The following GNPTAB variants were observed in gnomAD, a reference collection of about 807,000 sequenced individuals.
GNPTAB encodes N-acetylglucosamine-1-phosphate transferase subunits alpha and beta, also known as N-acetylglucosamine-1-phosphotransferase subunits alpha/beta.
A neutral mutation model predicts 136.6 loss-of-function variants in GNPTAB; 92 were observed. The observed-to-expected ratio is 0.67, with a 90% CI of 0.57 to 0.80. The LOEUF (loss-of-function observed/expected upper bound fraction) is 0.80, where lower values mean the gene tolerates loss of function less well. GNPTAB is among the 30% of genes least tolerant of loss of function. GNPTAB has a pLI of 0.00. For missense variants in GNPTAB, 1,343 were observed against 1,501.8 expected, an observed-to-expected ratio of 0.89 and a Z score of 1.75; for synonymous variants, 512 against 535.1, an observed-to-expected ratio of 0.96 and a Z score of 0.60.
chr12:101,760,224 G>T, intron 15 of GNPTAB, 81 bp from the exon 16 acceptor site: 1 of 905,080 alleles, frequency 1.1e-6, no homozygotes. Flanking sequence ...TTAAGTGAAA[G>T]CTTCCAAAAA....
Position 101,757,285 on chromosome 12 carries a change from T to G in GNPTAB, c.3361A>C (p.Ile1121Leu). Residue 1121 changes from isoleucine (I) to leucine (L), a missense_variant, in exon 18 of 21, where the codon ATC (isoleucine) becomes CTC (leucine). By Grantham distance (5) the Ile-to-Leu change is conservative. Coordinates refer to ENST00000299314, the MANE Select transcript of GNPTAB (RefSeq NM_024312.5). ...YRFEIMGEEE[I>L]AFKMIRTNVS... is the part of the protein sequence containing the mutation. ...TTGGTACGAATCATTTTAAAAGCGA[T>G]TTCTTCTTCTCCCATGATTTCAAAC... The G allele has an allele frequency of 6.2e-7, 1 of 1,604,574 alleles. No homozygotes were observed. Among genetic ancestry groups the G allele is most frequent in the Non-Finnish European group, 8.5e-7 (1 of 1,171,872 alleles).
intron 1 of GNPTAB, among the ~76,000 whole-genome samples, chr12:101,804,083 T>C (rs568019992): frequency 6.6e-6 from 1 of 151,182 alleles, no homozygotes; most frequent in East Asian, 1.9e-4. Flanking sequence ...AAAAAAAAAA[T>C]TTTTAAAGTT....
intron 5 of GNPTAB, 120 bp downstream of exon 5, chr12:101,785,892 T>G: frequency 1.3e-6 from 1 of 799,804 alleles, no homozygotes; most frequent in Non-Finnish European, 2.0e-6. Flanking sequence ...CTTCTCTTTG[T>G]GCATTTTTAG....
intron 16 of GNPTAB, 124 bp from the exon 17 acceptor site, chr12:101,757,781 C>A (rs1301510199): frequency 1.4e-6 from 1 of 700,812 alleles, no homozygotes; most frequent in Admixed American, 2.0e-5. Flanking sequence ...AAAACACCAA[C>A]TGTGACTACA....
chr12:101,760,075 T>C lies in GNPTAB; in HGVS notation c.3204A>G (p.Leu1068=), dbSNP rs1192805848. The C allele has an allele frequency of 1.2e-6, 2 of 1,613,628 alleles. No homozygotes were observed. The highest frequency in any genetic ancestry group is 1.7e-4 in the Middle Eastern group (1 of 6,060). ...ATTCCTGAGTTGGTGGAATATTATT[T>C]AGCTGCGTGATATCAGCAGGAAGCA... ...SKMLPADITQ[L]NNIPPTQESY... The change falls in exon 16 of 21, where the codon CTA becomes CTG. Residue 1068 remains leucine, a synonymous_variant. Transcript: ENST00000299314.
chr12:101,805,052 T>G (rs542460932), intron 1 of GNPTAB, among the ~76,000 whole-genome samples: 1 of 151,648 alleles, frequency 6.6e-6, no homozygotes, highest in Admixed American at 6.6e-5. Context: ...ACAAATATGA[T>G]GCAAATAATT....
At position 101,830,004 on chromosome 12, in the gene GNPTAB, CAAAAAAAA is replaced by C. The variant is rs35884808; in HGVS notation, c.117+547_117+554del. ...TTTAAAACCTTTTGTAACCTCCTAC[CAAAAAAAA>C]AAAAAAAAAAGAAAAAGAAAAAAAC... is the stretch of plus-strand genomic sequence containing the variant. On this transcript the variant is annotated intron_variant, in intron 1 of 20. Transcript: ENST00000299314. Among the ~76,000 whole-genome samples the C allele has an allele frequency of 5.7e-4, 60 of 106,142 alleles. 1 individual carries two copies. Among genetic ancestry groups the C allele is most frequent in the Admixed American group, 2.7e-3 (26 of 9,786 alleles). The allele number at this position is 106,142 out of a possible 152,430, so 69.6% of individuals were successfully genotyped here.
chr12:101,780,372 T>G, intron 6 of GNPTAB, 86 bp from the exon 7 acceptor site: 2 of 1,393,942 alleles, frequency 1.4e-6, no homozygotes, highest in South Asian at 2.3e-5. Flanking sequence ...AAAGATCTAT[T>G]GCATCACAAC....
At chr12:101,780,454 T>C (rs909574180) in intron 6 of GNPTAB, 103 bp downstream of exon 6, 9 of 1,084,850 alleles carry the variant, frequency 8.3e-6, no homozygotes, top group African/African-American at 6.4e-5. Flanking sequence ...TACCCTTAGA[T>C]AAAAAATAAA....
Position 101,786,073 on chromosome 12 carries a change from A to G in GNPTAB, c.510T>C (p.Val170=). The change falls in exon 5 of 21, where the codon GTT becomes GTC. Residue 170 remains valine (V), a synonymous_variant. Coordinates refer to ENST00000299314, the MANE Select transcript of GNPTAB (RefSeq NM_024312.5). ...TGGTAGAAGGGTTTTTTGGTTTTGC[A>G]ACATTGAAAATGTCACTGGCAGAAT... The part of the protein sequence containing the change: ...SFHSASDIFN[V]AKPKNPSTNV... The G allele has an allele frequency of 6.2e-7, 1 of 1,614,116 alleles. No homozygotes were observed. Among genetic ancestry groups the G allele is most frequent in the Non-Finnish European group, 8.5e-7 (1 of 1,179,988 alleles).
At chr12:101,802,128 T>C (rs1209278167) in intron 1 of GNPTAB, among the ~76,000 whole-genome samples, 1 of 144,186 alleles carries the variant, frequency 6.9e-6, no homozygotes, top group African/African-American at 2.6e-5. Context: ...AGCCCAAGAG[T>C]TGGAGGCTGA....
Position 101,764,731 on chromosome 12 carries a change from T to C in GNPTAB, c.2186A>G (p.Asn729Ser), listed in dbSNP as rs573304951. 5 of 1,613,656 alleles carry C rather than the reference T, an allele frequency of 3.1e-6. No homozygotes were observed. The South Asian group carries it at 4.4e-5, about 14-fold the overall frequency. Reference protein sequence around the residue: ...EHGDITLKGYNLSKSALLRSF... With the variant: ...EHGDITLKGYSLSKSALLRSF... The stretch of plus-strand genomic sequence containing the variant: ...TCTCAGCAAGGCTGACTTGGACAAA[T>C]TGTATCCTTTCAAAGTGATGTCTCC... The change falls in exon 13 of 21, where the codon AAT becomes AGT. Residue 729 changes from asparagine (N) to serine (S), a missense_variant. Physicochemically the swap from Asn to Ser is conservative, Grantham distance 46. Coordinates refer to ENST00000299314, the MANE Select transcript of GNPTAB (RefSeq NM_024312.5).
intron 1 of GNPTAB, among the ~76,000 whole-genome samples, chr12:101,802,078 G>A (rs11111030): frequency 0.18 from 26,763 of 150,908 alleles, 2,419 homozygotes; most frequent in South Asian, 0.22. Flanking sequence ...CATGCCTGTA[G>A]TCCCAGCTAC....
chr12:101,817,265 CTTT>C lies in GNPTAB; in HGVS notation c.117+13291_117+13293del, dbSNP rs71438444. 5.9e-4 allele frequency among the ~76,000 whole-genome samples: 64 copies of C among 108,162 alleles called. 1 individual carries two copies. Among genetic ancestry groups the C allele is most frequent in the Admixed American group, 3.2e-3 (31 of 9,714 alleles). The allele number at this position is 108,162 out of a possible 152,430, so 71.0% of individuals were successfully genotyped here. ...CCATTACCCAGATTTTATCATTCCACTTTTTTTTTTTTTTTTTTTTTTGAGACA... is the reference window on the plus strand; with the variant it reads ...CCATTACCCAGATTTTATCATTCCACTTTTTTTTTTTTTTTTTTTGAGACA... On this transcript the variant is annotated intron_variant, in intron 1 of 20. Transcript: ENST00000299314.
chr12:101,789,679 TCA>T (rs1176349346), intron 3 of GNPTAB, among the ~76,000 whole-genome samples: 1 of 152,188 alleles, frequency 6.6e-6, no homozygotes, highest in Non-Finnish European at 1.5e-5. Context: ...AGATGAAGTC[TCA>T]CTATGTTGCC....
chr12:101,771,543 C>T (rs1953176944), intron 7 of GNPTAB, among the ~76,000 whole-genome samples: 1 of 152,200 alleles, frequency 6.6e-6, no homozygotes, highest in African/African-American at 2.4e-5. Flanking sequence ...TGCAACTGGC[C>T]TGATCTTTAA....
chr12:101,803,824 A>G (rs143216802), intron 1 of GNPTAB, among the ~76,000 whole-genome samples: 3 of 152,348 alleles, frequency 2.0e-5, no homozygotes, highest in East Asian at 3.9e-4. Flanking sequence ...TAATCATGAC[A>G]TATTTTTCCA....
chr12:101,818,133 C>T (rs920035961), intron 1 of GNPTAB, among the ~76,000 whole-genome samples: 4 of 152,144 alleles, frequency 2.6e-5, no homozygotes, highest in Non-Finnish European at 5.9e-5. Context: ...TTAATAATGT[C>T]TCATATCCAT....
At chr12:101,750,573 T>G (rs549941416) in intron 19 of GNPTAB, among the ~76,000 whole-genome samples, 62 of 152,348 alleles carry the variant, frequency 4.1e-4, no homozygotes, top group African/African-American at 1.3e-3. Flanking sequence ...CACTTCTTTC[T>G]TATTCAAATG....
Sources: gnomAD v4.1 joint callset for allele counts (sites outside exome capture counted in the v4.1 genomes callset) on GRCh38, gnomAD v4.1.1 for gene constraint, MANE v1.5 for transcripts, NCBI Gene and HGNC (gene_info 2026-07-23, HGNC 2026-07-21) for gene names.